The following GPR89A variants were observed in gnomAD, a reference collection of about 807,000 sequenced individuals.
GPR89A encodes G protein-coupled receptor 89A.
Under a neutral mutation model 52.0 loss-of-function variants are expected in GPR89A, and 16 were observed. The observed-to-expected ratio is 0.31, with a 90% CI of 0.21 to 0.47. GPR89A has a LOEUF of 0.47. Ranked by LOEUF, GPR89A falls within the 20% of genes least tolerant of loss-of-function variation. The pLI is 1.00. For missense variants in GPR89A, 135 were observed against 449.4 expected (o/e 0.30, Z 6.33); for synonymous variants, 55 against 150.9 (o/e 0.36, Z 4.66).
At chr1:145,608,304 G>A (rs782752547) in intron 1 of GPR89A, 129 bp downstream of exon 1, 20 of 1,345,354 alleles carry the variant, frequency 1.5e-5, no homozygotes, top group Non-Finnish European at 2.1e-5. Context: ...AGTCACTCTG[G>A]CACCCAGAGA....
At position 145,623,195 on chromosome 1, in the gene GPR89A, T is replaced by G. The variant is rs372279529; in HGVS notation, c.313+35T>G. ...TTACCCTCTCAGTCAGCATATAGAT[T>G]GAGATGAGTATTTGAGGGGACTTAA... On this transcript the variant is annotated intron_variant, in intron 4 of 13. Coordinates refer to ENST00000313835, the MANE Select transcript of GPR89A (RefSeq NM_001097612.2). 210 of 1,611,448 alleles carry G rather than the reference T, an allele frequency of 1.3e-4. No homozygotes were observed. In the African/African-American group the frequency reaches 2.6e-3, roughly 20 times the overall value.
At chr1:145,654,017 G>A (rs1651640973) in intron 10 of GPR89A, among the ~76,000 whole-genome samples, 1 of 152,132 alleles carries the variant, frequency 6.6e-6, no homozygotes, top group South Asian at 2.1e-4. Context: ...GATGCTAGCT[G>A]GTTATTTTGC....
chr1:145,620,940 A>G (rs1328819840), intron 3 of GPR89A, among the ~76,000 whole-genome samples: 4 of 152,226 alleles, frequency 2.6e-5, no homozygotes, highest in Non-Finnish European at 5.9e-5. Flanking sequence ...CTGCTTCCCA[A>G]AATCTTTCAG....
At chr1:145,666,727 C>T (rs1401193539) in intron 12 of GPR89A, among the ~76,000 whole-genome samples, 4 of 132,776 alleles carry the variant, frequency 3.0e-5, no homozygotes, top group Middle Eastern at 4.5e-3. Flanking sequence ...CGACAAGCCT[C>T]GGTGTGTGAT....
At chr1:145,617,942 G>A (rs2101739404) in intron 2 of GPR89A, among the ~76,000 whole-genome samples, 1 of 151,276 alleles carries the variant, frequency 6.6e-6, no homozygotes, top group South Asian at 2.1e-4. Context: ...GACCTCCCGA[G>A]GAAGGTTCCA....
intron 12 of GPR89A, among the ~76,000 whole-genome samples, chr1:145,666,430 C>T (rs1225458119): frequency 1.3e-5 from 2 of 152,100 alleles, no homozygotes; most frequent in African/African-American, 2.4e-5. Context: ...AAAAATGTTT[C>T]GTTCAACATT....
rs1177403941 is a variant in GPR89A at position 145,643,053 on chromosome 1, A to ATT, written c.618-809_618-808dup. Among the ~76,000 whole-genome samples the ATT allele has an allele frequency of 4.4e-4, 52 of 119,528 alleles. 1 individual carries two copies. Among genetic ancestry groups the ATT allele is most frequent in the East Asian group, 1.0e-3 (4 of 3,946 alleles). The allele number at this position is 119,528 out of a possible 152,430, so 78.4% of individuals were successfully genotyped here. ...GGGGACAGGTTTATGCAATTTTGCT[A>ATT]TTTTTTTTCCTTTTGTCTGCCTTTG... On this transcript the variant is annotated intron_variant, in intron 7 of 13. Transcript: ENST00000313835.
At position 145,670,170 on chromosome 1, in the gene GPR89A, T is replaced by C; in HGVS notation, c.*130T>C. 1.3e-6 allele frequency: 2 copies of C among 1,579,860 alleles called. No homozygotes were observed. Among genetic ancestry groups the C allele is most frequent in the East Asian group, 2.2e-5 (1 of 44,588 alleles). On this transcript the variant is annotated 3_prime_UTR_variant, in exon 14 of 14. Transcript: ENST00000313835. The stretch of plus-strand genomic sequence containing the variant: ...GCTATGGTAGCATTTTTCACCTTCA[T>C]AGCATACTCCTTCCCCGTCAGGTGA...
At chr1:145,650,922 A>G (rs1181521392) in intron 10 of GPR89A, among the ~76,000 whole-genome samples, 2 of 151,492 alleles carry the variant, frequency 1.3e-5, no homozygotes, top group African/African-American at 4.9e-5. Flanking sequence ...GATTGCAAAA[A>G]TTTTCTCCCA....
At chr1:145,611,174 G>T (rs1648245708) in intron 1 of GPR89A, among the ~76,000 whole-genome samples, 1 of 147,698 alleles carries the variant, frequency 6.8e-6, no homozygotes, top group African/African-American at 2.5e-5. Flanking sequence ...GTGTGTGTGT[G>T]TGTGTGTAGT....
intron 10 of GPR89A, among the ~76,000 whole-genome samples, chr1:145,647,736 C>T (rs1346285198): frequency 6.9e-5 from 10 of 143,892 alleles, no homozygotes; most frequent in South Asian, 2.3e-4. Flanking sequence ...ACCCGAGAGG[C>T]GGACGTTGCA....
At chr1:145,636,937 G>T (rs1650282241) in intron 7 of GPR89A, among the ~76,000 whole-genome samples, 1 of 152,042 alleles carries the variant, frequency 6.6e-6, no homozygotes, top group African/African-American at 2.4e-5. Context: ...ACATTTAAAG[G>T]GGAAATTTTG....
intron 11 of GPR89A, among the ~76,000 whole-genome samples, chr1:145,664,255 A>G (rs1236090735): frequency 2.0e-5 from 3 of 152,192 alleles, no homozygotes; most frequent in African/African-American, 7.2e-5. Flanking sequence ...CTTGAGAAAC[A>G]GCTCAATGTA....
intron 10 of GPR89A, among the ~76,000 whole-genome samples, chr1:145,648,798 CTTTTTT>C (rs1651235586): frequency 9.7e-5 from 1 of 10,328 alleles, no homozygotes; most frequent in Non-Finnish European, 1.7e-4. Flanking sequence ...GAAGCATGTT[CTTTTTT>C]TTTTTTTTTT....
chr1:145,641,402 G>T (rs1553691713), intron 7 of GPR89A, among the ~76,000 whole-genome samples: 1 of 151,772 alleles, frequency 6.6e-6, no homozygotes, highest in East Asian at 1.9e-4. Context: ...TCCTTGTAGT[G>T]ATGGAAATGT....
chr1:145,633,988 A>T (rs1398342138), intron 7 of GPR89A, among the ~76,000 whole-genome samples: 1 of 152,012 alleles, frequency 6.6e-6, no homozygotes, highest in Non-Finnish European at 1.5e-5. Context: ...TAATAGAAGA[A>T]ATTGAAGTCT....
intron 12 of GPR89A, among the ~76,000 whole-genome samples, chr1:145,667,984 A>C (rs1159035631): frequency 2.0e-5 from 3 of 152,182 alleles, no homozygotes; most frequent in African/African-American, 7.2e-5. Context: ...GCCTTGTAGT[A>C]TAGCTTGAAG....
At chr1:145,650,015 C>T (rs1433032063) in intron 10 of GPR89A, among the ~76,000 whole-genome samples, 1 of 147,418 alleles carries the variant, frequency 6.8e-6, no homozygotes, top group Non-Finnish European at 1.5e-5. Flanking sequence ...GGTACATGTG[C>T]AGGATGTGCA....
At chr1:145,635,826 G>A (rs1650198954) in intron 7 of GPR89A, among the ~76,000 whole-genome samples, 1 of 152,190 alleles carries the variant, frequency 6.6e-6, no homozygotes, top group African/African-American at 2.4e-5. Context: ...GGGCATAGTG[G>A]TGCATGCCTG....
Sources: allele counts gnomAD v4.1 joint callset (sites outside exome capture counted in the v4.1 genomes callset), GRCh38; gene constraint gnomAD v4.1.1; transcripts MANE v1.5; gene names NCBI Gene and HGNC (gene_info 2026-07-23, HGNC 2026-07-21).